The following CDH18 variants were observed in gnomAD, a reference collection of about 807,000 sequenced individuals.
CDH18 encodes the protein cadherin-18.
In CDH18, 31 loss-of-function variants were observed where a neutral mutation model predicts 67.9. That is an observed-to-expected ratio of 0.46 (90% CI 0.34 to 0.62). The LOEUF is 0.62. Among genes scored for constraint, CDH18 ranks in the 20% least tolerant of loss-of-function variants. The pLI is 0.01. For synonymous variants in CDH18, 362 were observed against 347.2 expected, an observed-to-expected ratio of 1.04 and a Z score of -0.48; for missense variants, 890 against 975.5, an observed-to-expected ratio of 0.91 and a Z score of 1.17.
At chr5:19,926,213 A>T (rs1183735798) in intron 2 of CDH18, among the ~76,000 whole-genome samples, 1 of 152,172 alleles carries the variant, frequency 6.6e-6, no homozygotes, top group African/African-American at 2.4e-5. Context: ...GTATTCACTA[A>T]AGTCTGAAGG....
intron 2 of CDH18, among the ~76,000 whole-genome samples, chr5:19,946,058 A>C (rs1795258441): frequency 6.6e-6 from 1 of 152,278 alleles, no homozygotes; most frequent in African/African-American, 2.4e-5. Context: ...AAGACAAATT[A>C]GAGTTTAAAA....
chr5:20,450,481 TTTAAAAATAAAAATGCATTGTAATGC>T (rs1486077345), intron 1 of CDH18, among the ~76,000 whole-genome samples: 6 of 152,174 alleles, frequency 3.9e-5, no homozygotes, highest in African/African-American at 1.4e-4. Context: ...ATTCCTTTAA[TTTAAAAATAAAAATGCATTGTAATGC>T]ATTTTCTACC....
At chr5:19,820,475 C>A (rs1779754386) in intron 3 of CDH18, among the ~76,000 whole-genome samples, 1 of 152,138 alleles carries the variant, frequency 6.6e-6, no homozygotes, top group Non-Finnish European at 1.5e-5. Context: ...TCTAGGGATC[C>A]TCCACCCTAG....
At chr5:20,391,823 T>A (rs1458919730) in intron 1 of CDH18, among the ~76,000 whole-genome samples, 1 of 152,056 alleles carries the variant, frequency 6.6e-6, no homozygotes, top group Non-Finnish European at 1.5e-5. Context: ...AGCCATTTTT[T>A]ATACCCAATC....
chr5:19,807,810 G>C (rs924640916), intron 3 of CDH18, among the ~76,000 whole-genome samples: 1 of 152,038 alleles, frequency 6.6e-6, no homozygotes. Context: ...TTTACACTGT[G>C]TATGTAGTAA....
intron 1 of CDH18, among the ~76,000 whole-genome samples, chr5:20,349,161 G>A (rs1404604760): frequency 6.6e-6 from 1 of 152,064 alleles, no homozygotes; most frequent in Non-Finnish European, 1.5e-5. Context: ...GCTTGGTGAT[G>A]TCATAAAGGA....
At chr5:19,859,863 A>G (rs959599650) in intron 2 of CDH18, among the ~76,000 whole-genome samples, 1 of 152,160 alleles carries the variant, frequency 6.6e-6, no homozygotes, top group African/African-American at 2.4e-5. Flanking sequence ...GCCATTGGTC[A>G]TTCACATTTG....
chr5:19,557,763 T>C (rs1738700269), intron 8 of CDH18, among the ~76,000 whole-genome samples: 3 of 152,000 alleles, frequency 2.0e-5, no homozygotes, highest in African/African-American at 7.2e-5. Context: ...AAAGAAACAA[T>C]AGACTTAAAT....
intron 3 of CDH18, among the ~76,000 whole-genome samples, chr5:19,823,653 G>A (rs1780116600): frequency 6.6e-6 from 1 of 152,122 alleles, no homozygotes. Context: ...CCCACTGACA[G>A]CTTTAGACAG....
At chr5:19,799,678 T>C (rs1195679026) in intron 3 of CDH18, among the ~76,000 whole-genome samples, 2 of 152,130 alleles carry the variant, frequency 1.3e-5, no homozygotes, top group African/African-American at 4.8e-5. Context: ...CAGAGGATTA[T>C]TTTTTTCCTG....
chr5:19,918,119 A>G (rs1792029653), intron 2 of CDH18, among the ~76,000 whole-genome samples: 1 of 151,934 alleles, frequency 6.6e-6, no homozygotes, highest in Admixed American at 6.6e-5. Context: ...AGGCAAAGTG[A>G]ATTTTATGCA....
chr5:20,021,722 C>T (rs1738438100), intron 2 of CDH18, among the ~76,000 whole-genome samples: 1 of 152,166 alleles, frequency 6.6e-6, no homozygotes, highest in Admixed American at 6.5e-5. Context: ...TCTGTACAGC[C>T]TGTGAAACTG....
At chr5:20,272,464 T>C (rs1475103500) in intron 1 of CDH18, among the ~76,000 whole-genome samples, 1 of 151,856 alleles carries the variant, frequency 6.6e-6, no homozygotes, top group Admixed American at 6.6e-5. Flanking sequence ...TTTCTTAGAT[T>C]AGAAAAAAAG....
chr5:19,919,952 ATATC>A (rs902853188), intron 2 of CDH18, among the ~76,000 whole-genome samples: 3 of 152,148 alleles, frequency 2.0e-5, no homozygotes, highest in Admixed American at 2.0e-4. Context: ...CTTTTGTACT[ATATC>A]TAGATAGTAG....
At chr5:19,723,857 G>A (rs528294500) in intron 4 of CDH18, among the ~76,000 whole-genome samples, 126 of 152,056 alleles carry the variant, frequency 8.3e-4, no homozygotes, top group Non-Finnish European at 1.6e-3. Context: ...GGGATTACAG[G>A]TACCTGCCAC....
At chr5:19,839,332 T>C (rs1782015826) in intron 2 of CDH18, 90 bp from the exon 3 acceptor site, 2 of 248,578 alleles carry the variant, frequency 8.0e-6, no homozygotes, top group East Asian at 1.8e-4. Flanking sequence ...TGCAATGTGA[T>C]ACTGATAGGC....
At chr5:20,212,175 G>T (rs1740404427) in intron 2 of CDH18, among the ~76,000 whole-genome samples, 1 of 152,096 alleles carries the variant, frequency 6.6e-6, no homozygotes, top group Non-Finnish European at 1.5e-5. Flanking sequence ...GGAAGAAAGG[G>T]TATCAGTGAT....
At chr5:20,049,670 A>G (rs181803555) in intron 2 of CDH18, among the ~76,000 whole-genome samples, 1 of 151,784 alleles carries the variant, frequency 6.6e-6, no homozygotes, top group African/African-American at 2.4e-5. Flanking sequence ...GTAATATTTT[A>G]ATAGTCGTAA....
intron 5 of CDH18, among the ~76,000 whole-genome samples, chr5:19,669,391 C>T (rs902930112): frequency 6.6e-6 from 1 of 151,530 alleles, no homozygotes; most frequent in African/African-American, 2.4e-5. Context: ...TTCCCAGGTT[C>T]AAGTGATTCT....
Sources: gnomAD v4.1 joint callset for allele counts (sites outside exome capture counted in the v4.1 genomes callset) on GRCh38, gnomAD v4.1.1 for gene constraint, MANE v1.5 for transcripts, NCBI Gene and HGNC (gene_info 2026-07-23, HGNC 2026-07-21) for gene names.